Variants in RETREG1 observed in about 807,000 individuals in gnomAD.
RETREG1 encodes the protein family with sequence similarity 134 member B.
In RETREG1, 44 loss-of-function variants were observed where a neutral mutation model predicts 54.8. The ratio of observed to expected loss-of-function variants is 0.80; its 90% CI spans 0.63 to 1.03. The LOEUF (loss-of-function observed/expected upper bound fraction) is 1.03. RETREG1 is among the 50% of genes least tolerant of loss of function. The pLI is 0.00. For missense variants in RETREG1, 554 were observed against 605.1 expected, an observed-to-expected ratio of 0.92 and a Z score of 0.89; for synonymous variants, 217 against 238.5, an observed-to-expected ratio of 0.91 and a Z score of 0.83.
At chr5:16,493,923 A>G (rs546116555) in intron 3 of RETREG1, among the ~76,000 whole-genome samples, 15 of 152,248 alleles carry the variant, frequency 9.9e-5, no homozygotes, top group Non-Finnish European at 2.1e-4. Context: ...TTTTGTTTGT[A>G]GAATCAGCCT....
chr5:16,534,425 A>G (rs954720132), intron 3 of RETREG1, among the ~76,000 whole-genome samples: 16 of 152,226 alleles, frequency 1.1e-4, no homozygotes, highest in African/African-American at 3.6e-4. Flanking sequence ...TGTACCAGCC[A>G]GACAGGGTGC....
In RETREG1 at chr5:16,561,766, C is replaced by G. The variant is rs191156496; in HGVS notation, c.458+3997G>C. ...ACAGCTTCTGTATTAAGAGACAGCA[C>G]AGCAGAAATTCTCACATGCAAATTT... On this transcript the variant is annotated intron_variant, in intron 3 of 8. Transcript: ENST00000306320. The surrounding 1 kb of genome is among the most constrained non-coding windows in gnomAD (Gnocchi z 4.2). 6.6e-6 allele frequency among the ~76,000 whole-genome samples: 1 copy of G among 152,292 alleles called. No homozygotes were observed. Among genetic ancestry groups the G allele is most frequent in the East Asian group, 1.9e-4 (1 of 5,184 alleles).
At chr5:16,614,971 C>A (rs1464618013) in intron 1 of RETREG1, among the ~76,000 whole-genome samples, 1 of 152,172 alleles carries the variant, frequency 6.6e-6, no homozygotes, top group Non-Finnish European at 1.5e-5. Flanking sequence ...TTGCTGGCCT[C>A]CGTGAGGAAA....
At chr5:16,575,295 C>G (rs1244895791) in intron 1 of RETREG1, among the ~76,000 whole-genome samples, 2 of 152,184 alleles carry the variant, frequency 1.3e-5, no homozygotes, top group African/African-American at 4.8e-5. Context: ...ATGCGCAGCT[C>G]GGCTCACATG....
chr5:16,616,590 G>A (rs954064652), intron 1 of RETREG1, 62 bp downstream of exon 1: 5 of 1,537,748 alleles, frequency 3.3e-6, no homozygotes, highest in African/African-American at 1.4e-5. Flanking sequence ...GGGTCCCCGG[G>A]GCCCCGGGCG....
rs112295020 is a variant in RETREG1 at position 16,597,902 on chromosome 5, G to T, written c.320+18750C>A. Among the ~76,000 whole-genome samples the T allele has an allele frequency of 6.6e-6, 1 of 151,902 alleles. No individual in the cohort carries two copies. The highest frequency in any genetic ancestry group is 2.4e-5 in the African/African-American group (1 of 41,312). The stretch of plus-strand genomic sequence containing the variant: ...CTTTCCAGCCTCACCTCCTGTGACC[G>T]CTGGCACGACTTCCTTGCCCCAGGG... On this transcript the variant is annotated intron_variant, in intron 1 of 8. Transcript: ENST00000306320. This position sits in a 1 kb window ranked among gnomAD's most constrained non-coding sequence, Gnocchi z 4.3.
chr5:16,530,737 G>A (rs1166486740), intron 3 of RETREG1, among the ~76,000 whole-genome samples: 2 of 152,068 alleles, frequency 1.3e-5, no homozygotes, highest in Admixed American at 1.3e-4. Flanking sequence ...GCTGGGTGTG[G>A]AGGCGTGCAC....
chr5:16,614,822 C>T (rs1270070918), intron 1 of RETREG1, among the ~76,000 whole-genome samples: 1 of 152,120 alleles, frequency 6.6e-6, no homozygotes, highest in South Asian at 2.1e-4. Context: ...TCTGAAGCAG[C>T]TGAAAAAGAA....
At chr5:16,525,971 A>G (rs1468148604) in intron 3 of RETREG1, among the ~76,000 whole-genome samples, 1 of 152,156 alleles carries the variant, frequency 6.6e-6, no homozygotes, top group Non-Finnish European at 1.5e-5. Flanking sequence ...CCTTCAATTA[A>G]TTGGATGAGG....
intron 1 of RETREG1, 163 bp downstream of exon 1, chr5:16,616,489 G>A (rs1579735756): frequency 8.2e-7 from 1 of 1,218,522 alleles, no homozygotes; most frequent in Non-Finnish European, 1.1e-6. Context: ...AAGTTGCGGT[G>A]AGTGTCTACC....
At chr5:16,600,283 T>G (rs796604459) in intron 1 of RETREG1, among the ~76,000 whole-genome samples, 15 of 152,258 alleles carry the variant, frequency 9.9e-5, no homozygotes, top group African/African-American at 2.9e-4. Flanking sequence ...TTACAGGCGT[T>G]AGCCACTGTG....
intron 1 of RETREG1, among the ~76,000 whole-genome samples, chr5:16,576,647 G>A (rs1429252068): frequency 3.9e-5 from 6 of 152,134 alleles, no homozygotes; most frequent in Admixed American, 2.0e-4. Context: ...CAACACGCCC[G>A]GCTAATTTTG....
At chr5:16,475,270 C>T (rs367941612) in intron 8 of RETREG1, 36 bp from the exon 9 acceptor site, 460 of 1,603,330 alleles carry the variant, frequency 2.9e-4, no homozygotes, top group Non-Finnish European at 3.8e-4. Flanking sequence ...GACTGAAGCA[C>T]CATAACAAAT....
chr5:16,578,171 C>T (rs965447789), intron 1 of RETREG1, among the ~76,000 whole-genome samples: 2 of 152,094 alleles, frequency 1.3e-5, no homozygotes, highest in Non-Finnish European at 1.5e-5. Context: ...TAATAAAGTA[C>T]TTCAAAGGGA....
intron 1 of RETREG1, among the ~76,000 whole-genome samples, chr5:16,584,979 T>A (rs1362292860): frequency 6.8e-6 from 1 of 148,122 alleles, no homozygotes; most frequent in African/African-American, 2.5e-5. Flanking sequence ...AAGCCTTTTT[T>A]TTTTCCCTAG....
chr5:16,497,353 T>G (rs954140824), intron 3 of RETREG1, among the ~76,000 whole-genome samples: 1 of 152,208 alleles, frequency 6.6e-6, no homozygotes, highest in Non-Finnish European at 1.5e-5. Context: ...GTCCTTTGGC[T>G]AACAATAAGT....
In RETREG1 at chr5:16,481,015, G is replaced by A; in HGVS notation, c.664C>T (p.Leu222=). Residue 222 remains leucine (L), a synonymous_variant, in exon 5 of 9, where the codon CTA becomes TTA. Coordinates refer to ENST00000306320, the MANE Select transcript of RETREG1 (RefSeq NM_001034850.3). ...SYIPGVILSY[L]LLLCAFLCPL... ...TATGTTCTACTATACTTACACAGTA[G>A]ATAGCTGAGTATAACCCCAGGAATG... The A allele has an allele frequency of 6.2e-7, 1 of 1,607,478 alleles. No homozygotes were observed. Among genetic ancestry groups the A allele is most frequent in the Non-Finnish European group, 8.5e-7 (1 of 1,174,480 alleles).
intron 1 of RETREG1, among the ~76,000 whole-genome samples, chr5:16,609,716 T>C (rs1049002084): frequency 2.0e-5 from 3 of 151,990 alleles, no homozygotes; most frequent in Non-Finnish European, 4.4e-5. Context: ...GAAGACTCAG[T>C]GGGAACCAAG....
intron 3 of RETREG1, among the ~76,000 whole-genome samples, chr5:16,505,377 C>T (rs1164912014): frequency 6.6e-6 from 1 of 152,150 alleles, no homozygotes; most frequent in African/African-American, 2.4e-5. Context: ...TTCCTCAGCC[C>T]CTATTATCTG....
Sources: gnomAD v4.1 joint callset for allele counts (sites outside exome capture counted in the v4.1 genomes callset) on GRCh38, gnomAD v4.1.1 for gene constraint, Gnocchi (gnomAD v3.1) non-coding constraint, MANE v1.5 for transcripts, NCBI Gene and HGNC (gene_info 2026-07-23, HGNC 2026-07-21) for gene names.